Variants in EXOC4 observed in about 807,000 individuals in gnomAD.
EXOC4 encodes the protein SEC8-like 1.
A neutral mutation model predicts 107.2 loss-of-function variants in EXOC4; 71 were observed. That is an observed-to-expected ratio of 0.66 (90% confidence interval 0.55 to 0.81). The LOEUF (loss-of-function observed/expected upper bound fraction) is 0.81. Ranked by LOEUF, EXOC4 falls within the 30% of genes least tolerant of loss-of-function variation. The pLI, the probability that EXOC4 is intolerant of heterozygous loss-of-function variation, is 0.00. For synonymous variants in EXOC4, 456 were observed against 441.2 expected (o/e 1.03, Z -0.42); for missense variants, 1,108 against 1,189.6 (o/e 0.93, Z 1.01).
chr7:134,063,394 T>C (rs1176224076), intron 17 of EXOC4, among the ~76,000 whole-genome samples: 1 of 152,160 alleles, frequency 6.6e-6, no homozygotes, highest in East Asian at 1.9e-4. Context: ...TTCTTGTGAG[T>C]TGTCAAGTGT....
At position 134,065,054 on chromosome 7, in the gene EXOC4, G is replaced by C. The variant is rs1796152286; in HGVS notation, c.*526G>C. ...CCAAAATCAAATAAATGGCTTCTCA[G>C]CTGCTGTTTACAACAAACTTCCCTA... On this transcript the variant is annotated 3_prime_UTR_variant, in exon 18 of 18. Transcript: ENST00000253861. The C allele has an allele frequency of 6.6e-6, 1 of 152,582 alleles. No individual in the cohort carries two copies. Among genetic ancestry groups the C allele is most frequent in the Admixed American group, 6.5e-5 (1 of 15,280 alleles). 9.5% of individuals were successfully genotyped at this position (152,582 alleles called of 1,614,324 possible).
At chr7:133,457,630 G>C (rs1213099405) in intron 7 of EXOC4, among the ~76,000 whole-genome samples, 1 of 152,192 alleles carries the variant, frequency 6.6e-6, no homozygotes, top group Non-Finnish European at 1.5e-5. Flanking sequence ...TCTCCTTAGA[G>C]TTGGTGTATC....
At chr7:133,325,165 A>G (rs1216414848) in intron 5 of EXOC4, among the ~76,000 whole-genome samples, 2 of 152,048 alleles carry the variant, frequency 1.3e-5, no homozygotes, top group African/African-American at 2.4e-5. Flanking sequence ...TCTTCATCCA[A>G]TTTGTCAGTC....
intron 13 of EXOC4, chr7:133,930,338 G>A (rs1432450567): frequency 2.0e-5 from 3 of 152,162 alleles, no homozygotes; most frequent in Non-Finnish European, 4.4e-5. Flanking sequence ...ATGAAGCAAA[G>A]TTAGTGGCCA....
At chr7:133,584,420 C>T (rs1336979849) in intron 9 of EXOC4, among the ~76,000 whole-genome samples, 1 of 152,076 alleles carries the variant, frequency 6.6e-6, no homozygotes, top group Non-Finnish European at 1.5e-5. Flanking sequence ...TAGTTGGAAG[C>T]CAGAGTTGGG....
intron 10 of EXOC4, among the ~76,000 whole-genome samples, chr7:133,709,401 C>G (rs1228124797): frequency 1.3e-5 from 2 of 152,226 alleles, no homozygotes; most frequent in Non-Finnish European, 2.9e-5. Flanking sequence ...CAGTGGCTGT[C>G]ACCAGGCTCT....
chr7:133,480,253 G>C, intron 9 of EXOC4, 115 bp downstream of exon 9: 1 of 1,518,020 alleles, frequency 6.6e-7, no homozygotes, highest in Non-Finnish European at 8.9e-7. Context: ...AACACTTAGT[G>C]ACTTAATAAT....
intron 7 of EXOC4, among the ~76,000 whole-genome samples, chr7:133,382,091 G>A (rs971380409): frequency 3.3e-5 from 5 of 152,100 alleles, no homozygotes; most frequent in South Asian, 2.1e-4. Flanking sequence ...TAATGTGGTA[G>A]CAATGAAAAG....
intron 13 of EXOC4, among the ~76,000 whole-genome samples, chr7:133,917,985 C>A (rs1235054051): frequency 7.0e-6 from 1 of 142,092 alleles, no homozygotes; most frequent in Non-Finnish European, 1.6e-5. Flanking sequence ...ATTAAAATAT[C>A]TTTTTTTTTT....
rs542693910 is a variant in EXOC4, at chr7:133,873,816, A to C, written c.1735-21783A>C. Among the ~76,000 whole-genome samples the C allele has an allele frequency of 3.9e-5, 6 of 152,280 alleles. No homozygotes were observed. The East Asian group carries it at 1.2e-3, about 29-fold the overall frequency. Reference sequence around the variant, plus strand: ...TTTCCTGTGTGAAGAGATTGTCTCAAAGGGAAACTTAGCAAAGCTTTGATA... The same window carrying C: ...TTTCCTGTGTGAAGAGATTGTCTCACAGGGAAACTTAGCAAAGCTTTGATA... On this transcript the variant is annotated intron_variant, in intron 11 of 17. Coordinates refer to ENST00000253861, the MANE Select transcript of EXOC4 (RefSeq NM_021807.4).
intron 12 of EXOC4, among the ~76,000 whole-genome samples, chr7:133,904,778 C>T (rs1339881713): frequency 2.0e-5 from 3 of 152,234 alleles, no homozygotes; most frequent in East Asian, 3.8e-4. Context: ...CATGCCCCCA[C>T]GGTGCTGTTG....
At chr7:133,462,420 A>G (rs1172016778) in intron 7 of EXOC4, among the ~76,000 whole-genome samples, 1 of 152,204 alleles carries the variant, frequency 6.6e-6, no homozygotes, top group Non-Finnish European at 1.5e-5. Context: ...TCATCGTAAG[A>G]CCAAGGGGAA....
rs1170452173 is a variant in EXOC4, at chr7:134,010,503, T to C, written c.2687+2668T>C. 3.3e-5 allele frequency among the ~76,000 whole-genome samples: 5 copies of C among 152,208 alleles called. No homozygotes were observed. In the East Asian group the frequency reaches 7.7e-4, roughly 23 times the overall value. On this transcript the variant is annotated intron_variant, in intron 17 of 17. Coordinates refer to ENST00000253861, the MANE Select transcript of EXOC4 (RefSeq NM_021807.4). ...ATAGCCTTATTTTTCCCCCGCTTCT[T>C]GTTTTTGGTAGGGACAGGTTTTGTG...
chr7:133,518,355 T>C (rs1799919124), intron 9 of EXOC4, among the ~76,000 whole-genome samples: 1 of 149,886 alleles, frequency 6.7e-6, no homozygotes, highest in Non-Finnish European at 1.5e-5. Context: ...ATTCATGCCC[T>C]CTCCTATTTT....
intron 10 of EXOC4, among the ~76,000 whole-genome samples, chr7:133,742,398 G>A (rs1307454907): frequency 6.6e-6 from 1 of 152,118 alleles, no homozygotes; most frequent in Admixed American, 6.6e-5. Context: ...GGTTTACCAA[G>A]GTCTTCTTGG....
At chr7:133,618,947 G>A (rs1369730146) in intron 9 of EXOC4, among the ~76,000 whole-genome samples, 5 of 152,030 alleles carry the variant, frequency 3.3e-5, no homozygotes, top group African/African-American at 7.2e-5. Context: ...TATTGATCTC[G>A]TCATGGCTCA....
chr7:133,539,496 A>G (rs971948000), intron 9 of EXOC4, among the ~76,000 whole-genome samples: 11 of 151,946 alleles, frequency 7.2e-5, no homozygotes, highest in African/African-American at 2.7e-4. Flanking sequence ...GATTGTTAAC[A>G]GAGTTCTAGA....
chr7:133,812,580 A>C (rs1442401146), intron 10 of EXOC4, among the ~76,000 whole-genome samples: 2 of 151,910 alleles, frequency 1.3e-5, no homozygotes, highest in East Asian at 3.8e-4. Flanking sequence ...TAGGTTGCCC[A>C]TTTAATGTAA....
chr7:133,520,507 T>G (rs1799959243), intron 9 of EXOC4, among the ~76,000 whole-genome samples: 1 of 152,148 alleles, frequency 6.6e-6, no homozygotes, highest in South Asian at 2.1e-4. Flanking sequence ...TAGAAAAATG[T>G]TCAGTTAAGT....
Sources: allele counts gnomAD v4.1 joint callset (sites outside exome capture counted in the v4.1 genomes callset), GRCh38; gene constraint gnomAD v4.1.1; transcripts MANE v1.5; gene names NCBI Gene and HGNC (gene_info 2026-07-23, HGNC 2026-07-21).